The following ANKRD30A variants were observed in gnomAD, a reference collection of about 807,000 sequenced individuals.
ANKRD30A encodes ankyrin repeat domain 30A, also known as ankyrin repeat domain-containing protein 30A.
Under a neutral mutation model 166.3 loss-of-function variants are expected in ANKRD30A, and 170 were observed. The observed-to-expected ratio is 1.02, with a 90% CI of 0.90 to 1.16. ANKRD30A has a LOEUF of 1.16. ANKRD30A is among the 50% of genes most tolerant of loss of function. ANKRD30A has a pLI of 0.00. For synonymous variants in ANKRD30A, 564 were observed against 508.9 expected, an observed-to-expected ratio of 1.11 and a Z score of -1.46; for missense variants, 1,630 against 1,518.0, an observed-to-expected ratio of 1.07 and a Z score of -1.23.
At chr10:37,183,668 G>A (rs1241123499) in intron 24 of ANKRD30A, among the ~76,000 whole-genome samples, 6 of 147,692 alleles carry the variant, frequency 4.1e-5, no homozygotes, top group African/African-American at 9.9e-5. Context: ...TCAGTTTATG[G>A]TCTCATTTCT....
intron 31 of ANKRD30A, among the ~76,000 whole-genome samples, chr10:37,201,829 G>C (rs1316755278): frequency 1.3e-5 from 2 of 152,030 alleles, no homozygotes; most frequent in Non-Finnish European, 2.9e-5. Context: ...ATTAGGGATG[G>C]AAGCACCTGA....
chr10:37,230,175 A>C (rs1241767683), intron 34 of ANKRD30A, among the ~76,000 whole-genome samples: 1 of 151,998 alleles, frequency 6.6e-6, no homozygotes, highest in Non-Finnish European at 1.5e-5. Context: ...AGAAAAATAT[A>C]AACACCTCTA....
At position 37,158,281 on chromosome 10, in the gene ANKRD30A, C is replaced by T. The variant is rs1010597860; in HGVS notation, c.1799-111C>T. ...AAAGACCCCAAAACATAGTGTAATC[C>T]GTTTTGCAATCCAAGCATGAGGATT... On this transcript the variant is annotated intron_variant, in intron 13 of 35. Transcript: ENST00000361713. The T allele has an allele frequency of 5.3e-5, 76 of 1,444,380 alleles. No individual in the cohort carries two copies. In the Middle Eastern group the frequency reaches 7.5e-4, roughly 14 times the overall value. The allele number at this position is 1,444,380 out of a possible 1,614,324, so 89.5% of individuals were successfully genotyped here.
Position 37,197,347 on chromosome 10 carries a change from A to T in ANKRD30A, c.2643+38A>T, listed in dbSNP as rs751556775. ...ATGATTTCATTTTGAATGACTTATT[A>T]ACTATGTATTTTGTGAAGTATACAT... On this transcript the variant is annotated intron_variant, in intron 28 of 35. Coordinates refer to ENST00000361713, the MANE Select transcript of ANKRD30A (RefSeq NM_052997.3). The T allele has an allele frequency of 2.5e-6, 4 of 1,612,892 alleles. No individual in the cohort carries two copies. In the East Asian group the frequency reaches 6.7e-5, roughly 27 times the overall value.
chr10:37,196,668 CA>C (rs1841148595), intron 27 of ANKRD30A, among the ~76,000 whole-genome samples: 2 of 151,350 alleles, frequency 1.3e-5, no homozygotes, highest in African/African-American at 2.4e-5. Context: ...AGATTATTTC[CA>C]TGATGAGTTT....
At chr10:37,190,713 T>C (rs1840485736) in intron 25 of ANKRD30A, among the ~76,000 whole-genome samples, 1 of 151,784 alleles carries the variant, frequency 6.6e-6, no homozygotes, top group South Asian at 2.1e-4. Context: ...TGCAGAGTGC[T>C]AGAGTGTGGG....
At chr10:37,140,289 C>T (rs560291278) in intron 6 of ANKRD30A, among the ~76,000 whole-genome samples, 54 of 152,300 alleles carry the variant, frequency 3.5e-4, no homozygotes, top group African/African-American at 1.1e-3. Context: ...AACTGTGTGA[C>T]ATAGTGACTC....
intron 6 of ANKRD30A, 137 bp from the exon 7 acceptor site, chr10:37,141,572 CAAAAAAAAA>C: frequency 1.3e-6 from 1 of 757,554 alleles, no homozygotes; most frequent in Non-Finnish European, 1.9e-6. Context: ...GACTCTGTCT[CAAAAAAAAA>C]AAAAAAAAAA....
chr10:37,245,004 A>C, the ANKRD30A span, among the ~76,000 whole-genome samples: 1 of 152,232 alleles, frequency 6.6e-6, no homozygotes, highest in African/African-American at 2.4e-5. Context: ...TATAATCAAT[A>C]CACAAAGCTC....
chr10:37,178,801 C>A (rs1395940946), intron 24 of ANKRD30A, among the ~76,000 whole-genome samples: 2 of 150,120 alleles, frequency 1.3e-5, no homozygotes, highest in African/African-American at 4.9e-5. Context: ...GATTGTGAGG[C>A]AGGAAGCAGG....
chr10:37,250,393 T>C, the ANKRD30A span, among the ~76,000 whole-genome samples: 1 of 151,880 alleles, frequency 6.6e-6, no homozygotes, highest in African/African-American at 2.4e-5. Flanking sequence ...ACCTGAGTTG[T>C]TGTGGCTATG....
At chr10:37,249,861 T>G in the ANKRD30A span, among the ~76,000 whole-genome samples, 1 of 152,316 alleles carries the variant, frequency 6.6e-6, no homozygotes, top group East Asian at 1.9e-4. Flanking sequence ...TTAAAAAATG[T>G]TTATGATCAG....
chr10:37,161,688 G>C (rs1838887011), intron 15 of ANKRD30A, among the ~76,000 whole-genome samples: 1 of 152,100 alleles, frequency 6.6e-6, no homozygotes, highest in Admixed American at 6.6e-5. Context: ...TGACTCATTA[G>C]GTTTCTCTGT....
chr10:37,234,886 C>T (rs1843607131), downstream of ANKRD30A, among the ~76,000 whole-genome samples: 1 of 152,122 alleles, frequency 6.6e-6, no homozygotes, highest in South Asian at 2.1e-4. Flanking sequence ...AGTTGTGCCA[C>T]ATGGTGGAAC....
intron 1 of ANKRD30A, 144 bp downstream of exon 1, chr10:37,126,152 C>T (rs1315961987): frequency 2.3e-6 from 2 of 870,998 alleles, no homozygotes; most frequent in South Asian, 3.3e-5. Flanking sequence ...ATCCTGGGCC[C>T]TCGGGTCTAG....
At chr10:37,140,110 G>C (rs1184653102) in intron 6 of ANKRD30A, among the ~76,000 whole-genome samples, 2 of 152,146 alleles carry the variant, frequency 1.3e-5, no homozygotes, top group Admixed American at 1.3e-4. Flanking sequence ...ACTTTTGAGT[G>C]GAAGTGAATT....
intron 13 of ANKRD30A, among the ~76,000 whole-genome samples, chr10:37,153,924 T>A (rs17590385): frequency 1.8e-4 from 28 of 152,168 alleles, no homozygotes; most frequent in South Asian, 4.1e-4. Context: ...GAAAGAAGAA[T>A]GTAGTAATAG....
rs565676057 is a variant in ANKRD30A, at chr10:37,129,933, G to A, written c.262G>A (p.Val88Ile). Reference sequence around the variant, plus strand: ...GGCCTGTGTCAATGGCCATGAGGAAGTAGTAACATTTCTGGTAGACAGAAA... The same window carrying A: ...GGCCTGTGTCAATGGCCATGAGGAAATAGTAACATTTCTGGTAGACAGAAA... ...HWACVNGHEEVVTFLVDRKCQ... is the reference protein window; with the variant it reads ...HWACVNGHEEIVTFLVDRKCQ... Residue 88 changes from valine (V) to isoleucine (I), a missense_variant, in exon 2 of 36, where the codon GTA becomes ATA. Around this residue, in one of 4 missense-constraint regions of ANKRD30A, gnomAD observed 904 missense variants for 818.5 expected, o/e 1.10. Transcript: ENST00000361713. The A allele has an allele frequency of 3.2e-6, 5 of 1,574,726 alleles. No individual in the cohort carries two copies. In the African/African-American group the frequency reaches 4.1e-5, roughly 13 times the overall value.
Position 37,133,934 on chromosome 10 carries a change from T to C in ANKRD30A, c.636T>C (p.Ala212=). The C allele has an allele frequency of 2.5e-6, 4 of 1,614,036 alleles. No individual in the cohort carries two copies. Among genetic ancestry groups the C allele is most frequent in the Non-Finnish European group, 2.5e-6 (3 of 1,179,934 alleles). ...ATTTTAGCACAGCCCTCATGCTTGC[T>C]GTATGTCATGGATCATCAGAGATAG... is the stretch of plus-strand genomic sequence containing the variant. ...NKYKCTALML[A]VCHGSSEIVG... is the part of the protein sequence containing the mutation. Residue 212 remains alanine (A), a synonymous_variant, in exon 5 of 36, where the codon GCT becomes GCC. Coordinates refer to ENST00000361713, the MANE Select transcript of ANKRD30A (RefSeq NM_052997.3).
Sources: allele counts gnomAD v4.1 joint callset (sites outside exome capture counted in the v4.1 genomes callset), GRCh38; gene constraint gnomAD v4.1.1; regional missense constraint gnomAD v4.1.1; transcripts MANE v1.5; gene names NCBI Gene and HGNC (gene_info 2026-07-23, HGNC 2026-07-21).